The following ODAD2 variants were observed in gnomAD, a reference collection of about 807,000 sequenced individuals.
The protein encoded by ODAD2 is outer dynein arm-docking complex subunit 2.
Under a neutral mutation model 106.8 loss-of-function variants are expected in ODAD2, and 89 were observed. The observed-to-expected ratio is 0.83, with a 90% confidence interval of 0.70 to 0.99. The LOEUF (loss-of-function observed/expected upper bound fraction) is 0.99. Ranked by LOEUF, ODAD2 falls within the 50% of genes least tolerant of loss-of-function variation. The pLI, the probability that ODAD2 is intolerant of heterozygous loss-of-function variation, is 0.00. For missense variants in ODAD2, 1,168 were observed against 1,238.5 expected (o/e 0.94, Z 0.85); for synonymous variants, 404 against 436.2 (o/e 0.93, Z 0.92).
intron 10 of ODAD2, among the ~76,000 whole-genome samples, chr10:27,950,586 G>GTATT (rs1044813877): frequency 6.6e-6 from 1 of 152,064 alleles, no homozygotes; most frequent in Non-Finnish European, 1.5e-5. Flanking sequence ...TCTTCTAATT[G>GTATT]TATTTATTTA....
At position 27,957,560 on chromosome 10, in the gene ODAD2, G is replaced by T. The variant is rs748782405; in HGVS notation, c.1386+4008C>A. On this transcript the variant is annotated intron_variant, in intron 10 of 19. Coordinates refer to ENST00000305242, the MANE Select transcript of ODAD2 (RefSeq NM_018076.5). The stretch of plus-strand genomic sequence containing the variant: ...AAAAGGGGGTTCATTGCTTCCTTTA[G>T]AATTAGGGTACAGCATCATCACCTA... 22 of 152,202 alleles carry T rather than the reference G, an allele frequency of 1.4e-4. 1 individual carries two copies. The highest frequency in any genetic ancestry group is 7.9e-4 in the Admixed American group (12 of 15,278). 9.4% of individuals were successfully genotyped at this position (152,202 alleles called of 1,614,324 possible). A position where few individuals can be genotyped will look rare whatever the true frequency, so the allele number is the denominator to read the frequency against.
intron 7 of ODAD2, among the ~76,000 whole-genome samples, chr10:27,979,697 A>G (rs1849424337): frequency 6.6e-6 from 1 of 152,222 alleles, no homozygotes; most frequent in Admixed American, 6.5e-5. Flanking sequence ...ACTTCTAAAC[A>G]TTGCTGAAAG....
In ODAD2 at chr10:27,983,741, T is replaced by C. The variant is rs141324736; in HGVS notation, c.819+102A>G. On this transcript the variant is annotated intron_variant, in intron 6 of 19. Transcript: ENST00000305242. ...AGGAATCTGCTTCTATCCCACAGAATGGTAATTCATTCTCTGTGGTCATTG... is the reference window on the plus strand; with the variant it reads ...AGGAATCTGCTTCTATCCCACAGAACGGTAATTCATTCTCTGTGGTCATTG... The C allele has an allele frequency of 7.7e-5, 88 of 1,136,444 alleles. No homozygotes were observed. The African/African-American group carries it at 1.1e-3, about 14-fold the overall frequency. The allele number at this position is 1,136,444 out of a possible 1,614,324, so 70.4% of individuals were successfully genotyped here. A position where few individuals can be genotyped will look rare whatever the true frequency, so the allele number is the denominator to read the frequency against.
intron 16 of ODAD2, among the ~76,000 whole-genome samples, chr10:27,917,862 G>T (rs1273962211): frequency 6.6e-6 from 1 of 151,640 alleles, no homozygotes; most frequent in Non-Finnish European, 1.5e-5. Context: ...AATCTACAAA[G>T]ATTAAAAGAA....
chr10:27,972,380 T>A (rs1268715590), intron 7 of ODAD2, among the ~76,000 whole-genome samples: 1 of 151,960 alleles, frequency 6.6e-6, no homozygotes, highest in Non-Finnish European at 1.5e-5. Flanking sequence ...AAAGAACAGA[T>A]GAAACAAACA....
rs1255901405 is a variant in ODAD2, at chr10:27,944,425, A to G, written c.1540T>C (p.Ser514Pro). 1 of 1,613,082 alleles carries G rather than the reference A, an allele frequency of 6.2e-7. No homozygotes were observed. The highest frequency in any genetic ancestry group is 8.5e-7 in the Non-Finnish European group (1 of 1,179,240). The change falls in exon 12 of 20, where the codon TCA becomes CCA. Residue 514 changes from serine to proline, a missense_variant. By Grantham distance (74) the Ser-to-Pro change is moderately conservative. This residue lies in a region of ODAD2 where 701 missense variants were observed against 712.3 expected (regional missense o/e 0.98). Transcript: ENST00000305242. ...ETDEVKCKIGSLKILKEISHN... is the reference protein window; with the variant it reads ...ETDEVKCKIGPLKILKEISHN... ...CTGATTTCCTTCAGTATTTTTAATG[A>G]ACCAATCTGTGTGAGAAAAAAAAAG... is the stretch of plus-strand genomic sequence containing the variant.
intron 19 of ODAD2, among the ~76,000 whole-genome samples, chr10:27,850,668 CT>C (rs1839195350): frequency 6.6e-6 from 1 of 152,128 alleles, no homozygotes; most frequent in Admixed American, 6.5e-5. Flanking sequence ...AAAGAAAAGA[CT>C]GCCTCATGTT....
intron 1 of ODAD2, among the ~76,000 whole-genome samples, chr10:27,997,777 T>C (rs1850640647): frequency 6.6e-6 from 1 of 152,130 alleles, no homozygotes; most frequent in Admixed American, 6.6e-5. Flanking sequence ...AAAACTAAGA[T>C]TTTAAAATCA....
At chr10:27,963,636 CAA>C (rs57290701) in intron 9 of ODAD2, among the ~76,000 whole-genome samples, 3,890 of 152,174 alleles carry the variant, frequency 0.026, 152 homozygotes, top group African/African-American at 0.079. Flanking sequence ...TTATATGAAC[CAA>C]TAATAGACTA....
intron 1 of ODAD2, among the ~76,000 whole-genome samples, chr10:27,998,775 G>T (rs1214243967): frequency 6.6e-6 from 1 of 152,108 alleles, no homozygotes; most frequent in Non-Finnish European, 1.5e-5. Flanking sequence ...CTGCGGGGGT[G>T]AGCGTGGAGA....
intron 16 of ODAD2, among the ~76,000 whole-genome samples, chr10:27,922,185 AAAAAGAAAAAAAG>A (rs1474492365): frequency 2.0e-5 from 3 of 151,526 alleles, no homozygotes; most frequent in South Asian, 2.1e-4. Flanking sequence ...AAACAAAAGA[AAAAAGAAAAAAAG>A]AAAAGAAAAC....
intron 16 of ODAD2, among the ~76,000 whole-genome samples, chr10:27,917,309 G>T (rs1844465088): frequency 6.6e-6 from 1 of 152,072 alleles, no homozygotes; most frequent in African/African-American, 2.4e-5. Flanking sequence ...ACAAAAAATA[G>T]AAACTATTTT....
chr10:27,948,492 T>C (rs1367408556), intron 10 of ODAD2, among the ~76,000 whole-genome samples: 1 of 152,200 alleles, frequency 6.6e-6, no homozygotes, highest in African/African-American at 2.4e-5. Flanking sequence ...ATGCCATAAA[T>C]ATCGAACTGA....
At chr10:27,885,216 A>G (rs1317222706) in intron 17 of ODAD2, among the ~76,000 whole-genome samples, 3 of 151,814 alleles carry the variant, frequency 2.0e-5, no homozygotes, top group Non-Finnish European at 2.9e-5. Flanking sequence ...ATAAACAAGG[A>G]GACAGAAAAA....
chr10:27,937,366 C>T (rs1846067492), intron 14 of ODAD2, among the ~76,000 whole-genome samples: 1 of 135,930 alleles, frequency 7.4e-6, no homozygotes. Flanking sequence ...GAGAGAGACT[C>T]TTGCTCTGTC....
chr10:27,875,945 T>C (rs1841307360), intron 17 of ODAD2, among the ~76,000 whole-genome samples: 1 of 152,168 alleles, frequency 6.6e-6, no homozygotes, highest in African/African-American at 2.4e-5. Flanking sequence ...GCCTCGCTCA[T>C]TGCTAGCACA....
chr10:27,825,142 G>A (rs1339887735), intron 19 of ODAD2, among the ~76,000 whole-genome samples: 1 of 152,034 alleles, frequency 6.6e-6, no homozygotes, highest in Non-Finnish European at 1.5e-5. Flanking sequence ...TTCTCTCATA[G>A]CCCTTATCCA....
At chr10:27,882,948 G>C (rs1394157310) in intron 17 of ODAD2, among the ~76,000 whole-genome samples, 1 of 151,764 alleles carries the variant, frequency 6.6e-6, no homozygotes, top group Non-Finnish European at 1.5e-5. Context: ...AGCTGCTTGA[G>C]ATAAGCATAC....
intron 16 of ODAD2, 111 bp from the exon 17 acceptor site, chr10:27,907,888 A>ATTTTTTTT (rs3839908): frequency 1.9e-6 from 1 of 539,988 alleles, no homozygotes; most frequent in African/African-American, 2.0e-5. Flanking sequence ...TTTGCTTAGA[A>ATTTTTTTT]TTTTTTTTTT....
Sources: gnomAD v4.1 joint callset for allele counts (sites outside exome capture counted in the v4.1 genomes callset) on GRCh38, gnomAD v4.1.1 for gene constraint, gnomAD v4.1.1 regional missense constraint, MANE v1.5 for transcripts, NCBI Gene and HGNC (gene_info 2026-07-23, HGNC 2026-07-21) for gene names.